Variants in DDX60 observed in about 807,000 individuals in gnomAD.
DDX60 encodes probable ATP-dependent RNA helicase DDX60.
In DDX60, 165 loss-of-function variants were observed where a neutral mutation model predicts 212.8. The ratio of observed to expected loss-of-function variants is 0.78; its 90% CI spans 0.68 to 0.88. The LOEUF (loss-of-function observed/expected upper bound fraction) is 0.88, where lower values mean the gene tolerates loss of function less well. Among genes scored for constraint, DDX60 ranks in the 40% least tolerant of loss-of-function variants. DDX60 has a pLI of 0.00. For synonymous variants in DDX60, 703 were observed against 685.3 expected, an observed-to-expected ratio of 1.03 and a Z score of -0.40; for missense variants, 1,905 against 2,003.9, an observed-to-expected ratio of 0.95 and a Z score of 0.94.
upstream of DDX60, among the ~76,000 whole-genome samples, chr4:168,320,638 C>T (rs1174276810): frequency 6.6e-6 from 1 of 152,050 alleles, no homozygotes; most frequent in Non-Finnish European, 1.5e-5. Flanking sequence ...TACAATATTG[C>T]AAACTGTATT....
intron 26 of DDX60, among the ~76,000 whole-genome samples, chr4:168,254,159 C>T (rs1734321833): frequency 6.6e-6 from 1 of 152,140 alleles, no homozygotes; most frequent in South Asian, 2.1e-4. Context: ...ACAAATATAG[C>T]TCCATAATAA....
rs375137068 is a variant in DDX60, at chr4:168,234,997, G to T, written c.4533+1255C>A. On this transcript the variant is annotated intron_variant, in intron 33 of 37. Transcript: ENST00000393743. Reference sequence around the variant, plus strand: ...TTCGTCTTCTCAAATCTAAAAGACTGCTAAAGATCCACCTTTTTCCTATAG... The same window carrying T: ...TTCGTCTTCTCAAATCTAAAAGACTTCTAAAGATCCACCTTTTTCCTATAG... Among the ~76,000 whole-genome samples the T allele has an allele frequency of 2.5e-4, 38 of 152,158 alleles. No individual in the cohort carries two copies. In the Middle Eastern group the frequency reaches 0.014, roughly 54 times the overall value.
chr4:168,231,082 G>A (rs759472896), intron 33 of DDX60, among the ~76,000 whole-genome samples: 15 of 151,666 alleles, frequency 9.9e-5, no homozygotes, highest in Non-Finnish European at 1.0e-4. Context: ...ACACCTTTAC[G>A]CACACAAACT....
At position 168,311,052 on chromosome 4, in the gene DDX60, G is replaced by T; in HGVS notation, c.20C>A (p.Thr7Lys). 1 of 1,571,416 alleles carries T rather than the reference G, an allele frequency of 6.4e-7. No individual in the cohort carries two copies. Among genetic ancestry groups the T allele is most frequent in the Non-Finnish European group, 8.7e-7 (1 of 1,146,220 alleles). The part of the protein sequence containing the change: MERNVL[T>K]TFSQEMSQLI... ...CTGGGACATTTCCTGTGAAAATGTTGTAAGAACATTTCTTTCTAAATTTAA... is the reference window on the plus strand; with the variant it reads ...CTGGGACATTTCCTGTGAAAATGTTTTAAGAACATTTCTTTCTAAATTTAA... The change falls in exon 3 of 38, where the codon ACA becomes AAA. Residue 7 changes from threonine (T) to lysine (K), a missense_variant. Thr to Lys is a moderately conservative substitution (Grantham distance 78). Transcript: ENST00000393743.
At chr4:168,268,029 C>T in intron 20 of DDX60, 46 bp from the exon 21 acceptor site, 1 of 1,515,976 alleles carries the variant, frequency 6.6e-7, no homozygotes, top group South Asian at 1.2e-5. Context: ...CATGGAACTA[C>T]TTCCTGTGAA....
intron 6 of DDX60, among the ~76,000 whole-genome samples, chr4:168,299,576 A>C (rs968099894): frequency 6.6e-6 from 1 of 152,130 alleles, no homozygotes; most frequent in African/African-American, 2.4e-5. Context: ...ATAAAAAAAA[A>C]CCAAGAGAAT....
intron 30 of DDX60, among the ~76,000 whole-genome samples, chr4:168,241,090 T>G (rs890727316): frequency 6.6e-6 from 1 of 152,232 alleles, no homozygotes; most frequent in Admixed American, 6.5e-5. Flanking sequence ...TGCACAAGCT[T>G]GTTCTCTCTT....
rs1733628512 is a variant in DDX60, at chr4:168,236,320, G to A, written c.4465C>T (p.His1489Tyr). 1 of 1,610,622 alleles carries A rather than the reference G, an allele frequency of 6.2e-7. No homozygotes were observed. Among genetic ancestry groups the A allele is most frequent in the Non-Finnish European group, 8.5e-7 (1 of 1,178,120 alleles). Residue 1489 changes from histidine (H) to tyrosine (Y), a missense_variant, in exon 33 of 38, where the codon CAT (histidine) becomes TAT (tyrosine). His to Tyr is a moderately conservative substitution (Grantham distance 83, BLOSUM62 2). Transcript: ENST00000393743. Reference protein sequence around the residue: ...VMEKLVLVLAHLFGRRYFPPK... With the variant: ...VMEKLVLVLAYLFGRRYFPPK... ...GGAAAATATCTTCTTCCAAAGAGAT[G>A]TGCCAATACTAATACTAGCTTTTCC...
intron 14 of DDX60, among the ~76,000 whole-genome samples, chr4:168,278,069 C>T (rs1414699497): frequency 6.6e-6 from 1 of 152,092 alleles, no homozygotes; most frequent in Non-Finnish European, 1.5e-5. Flanking sequence ...CCTTCTTTTA[C>T]TTAATAGTGG....
rs1396119120 is a variant in DDX60 at position 168,252,577 on chromosome 4, A to G, written c.3637T>C (p.Cys1213Arg). Reference sequence around the variant, plus strand: ...GGGATTTCCAGGTTCTTCTCTAGACACTTCACTAGATTATCATGTTCAGCT... The same window carrying G: ...GGGATTTCCAGGTTCTTCTCTAGACGCTTCACTAGATTATCATGTTCAGCT... Reference protein sequence around the residue: ...HEAEHDNLVKCLEKNLEIPQD... With the variant: ...HEAEHDNLVKRLEKNLEIPQD... The change falls in exon 27 of 38, where the codon TGT becomes CGT. Residue 1213 changes from cysteine (C) to arginine (R), a missense_variant. Coordinates refer to ENST00000393743, the MANE Select transcript of DDX60 (RefSeq NM_017631.6). The G allele has an allele frequency of 6.2e-7, 1 of 1,613,876 alleles. No homozygotes were observed. Among genetic ancestry groups the G allele is most frequent in the East Asian group, 2.2e-5 (1 of 44,852 alleles).
upstream of DDX60, among the ~76,000 whole-genome samples, chr4:168,323,490 A>T (rs965547610): frequency 3.3e-5 from 5 of 152,152 alleles, no homozygotes; most frequent in Admixed American, 6.5e-5. Context: ...TCTTAAATTA[A>T]ACTGACTGGT....
chr4:168,225,450 C>A, intron 34 of DDX60, 79 bp downstream of exon 34: 3 of 1,400,188 alleles, frequency 2.1e-6, no homozygotes, highest in Non-Finnish European at 2.9e-6. Context: ...GGGTTCCACT[C>A]TTCTTCCAGA....
At chr4:168,224,219 T>C in intron 35 of DDX60, 24 bp downstream of exon 35, 1 of 1,610,928 alleles carries the variant, frequency 6.2e-7, no homozygotes, top group Non-Finnish European at 8.5e-7. Flanking sequence ...CAGCTTTTAT[T>C]AATAAACCCC....
At chr4:168,288,457 G>A in intron 8 of DDX60, 142 bp from the exon 9 acceptor site, 1 of 526,314 alleles carries the variant, frequency 1.9e-6, no homozygotes, top group Non-Finnish European at 3.4e-6. Context: ...GCTGGGTAAT[G>A]GTGAATGCTT....
At chr4:168,297,390 AAGAAAGAAAGAAAGAC>A (rs1736448027) in intron 6 of DDX60, among the ~76,000 whole-genome samples, 1 of 130,010 alleles carries the variant, frequency 7.7e-6, no homozygotes, top group Non-Finnish European at 1.6e-5. Context: ...AAGAGAAAGA[AAGAAAGAAAGAAAGAC>A]AATAAATAAT....
intron 22 of DDX60, among the ~76,000 whole-genome samples, chr4:168,264,339 T>A (rs1455199598): frequency 1.3e-5 from 2 of 152,122 alleles, no homozygotes; most frequent in East Asian, 3.8e-4. Flanking sequence ...TCAGTTGGAG[T>A]ACTGAAAGAT....
chr4:168,323,768 G>A (rs56041701), upstream of DDX60, among the ~76,000 whole-genome samples: 10 of 152,174 alleles, frequency 6.6e-5, no homozygotes, highest in African/African-American at 1.4e-4. Flanking sequence ...GCCATGGCCC[G>A]AGAATGGCCC....
At chr4:168,266,687 T>A (rs1183315366) in intron 22 of DDX60, among the ~76,000 whole-genome samples, 1 of 152,132 alleles carries the variant, frequency 6.6e-6, no homozygotes, top group Non-Finnish European at 1.5e-5. Flanking sequence ...GAAAGGAGAT[T>A]GGGGCCAGGT....
At chr4:168,273,162 A>G in intron 18 of DDX60, 117 bp downstream of exon 18, 3 of 1,086,896 alleles carry the variant, frequency 2.8e-6, no homozygotes, top group South Asian at 1.8e-5. Context: ...TTTGTCTTTC[A>G]TAAATTCAAA....
Sources: gnomAD v4.1 joint callset for allele counts (sites outside exome capture counted in the v4.1 genomes callset) on GRCh38, gnomAD v4.1.1 for gene constraint, MANE v1.5 for transcripts, NCBI Gene and HGNC (gene_info 2026-07-23, HGNC 2026-07-21) for gene names.